OCIAD1: variants seen among roughly 807,000 people sequenced by gnomAD.
The protein encoded by OCIAD1 is OCIA domain containing 1.
In OCIAD1, 29 loss-of-function variants were observed where a neutral mutation model predicts 38.9. The observed-to-expected ratio is 0.74, with a 90% CI of 0.55 to 1.02. OCIAD1 has a LOEUF of 1.02. Among genes scored for constraint, OCIAD1 ranks in the 50% least tolerant of loss-of-function variants. OCIAD1 has a pLI of 0.00. For missense variants in OCIAD1, 288 were observed against 289.6 expected (o/e 0.99, Z 0.04); for synonymous variants, 110 against 92.0 (o/e 1.20, Z -1.12).
chr4:48,843,805 ATTG>A (rs1360089468), intron 4 of OCIAD1, among the ~76,000 whole-genome samples: 1 of 152,176 alleles, frequency 6.6e-6, no homozygotes, highest in Non-Finnish European at 1.5e-5. Context: ...AGTGTTTATT[ATTG>A]TTCTGCTTCT....
intron 1 of OCIAD1, among the ~76,000 whole-genome samples, chr4:48,808,640 C>T (rs1777055587): frequency 1.3e-5 from 2 of 152,146 alleles, no homozygotes; most frequent in Admixed American, 1.3e-4. Context: ...AGTGTTCCTC[C>T]CCTCTGAAGA....
intron 1 of OCIAD1, among the ~76,000 whole-genome samples, chr4:48,810,468 C>CAAAA (rs749988114): frequency 4.7e-5 from 2 of 42,302 alleles, no homozygotes; most frequent in Non-Finnish European, 9.6e-5. Context: ...GACTCCATCT[C>CAAAA]AAAAAAAAAA....
intron 1 of OCIAD1, among the ~76,000 whole-genome samples, chr4:48,814,682 T>C (rs1249701737): frequency 6.6e-6 from 1 of 152,200 alleles, no homozygotes; most frequent in East Asian, 1.9e-4. Context: ...GCTATATCAC[T>C]TTTATGCTTA....
upstream of OCIAD1, among the ~76,000 whole-genome samples, chr4:48,829,367 T>G (rs1198652767): frequency 6.6e-6 from 1 of 152,240 alleles, no homozygotes; most frequent in Non-Finnish European, 1.5e-5. Context: ...AATTTTCTTA[T>G]TTTTGTTTTT....
chr4:48,830,094 T>G (rs934327533), upstream of OCIAD1, among the ~76,000 whole-genome samples: 20 of 152,172 alleles, frequency 1.3e-4, no homozygotes, highest in African/African-American at 4.6e-4. Context: ...GGCAAAGACC[T>G]CCAGGCTGTT....
chr4:48,820,340 T>A (rs1777182814), intron 1 of OCIAD1, among the ~76,000 whole-genome samples: 1 of 152,106 alleles, frequency 6.6e-6, no homozygotes, highest in African/African-American at 2.4e-5. Context: ...ATAAATGAGT[T>A]TTTTGAAACC....
intron 1 of OCIAD1, among the ~76,000 whole-genome samples, chr4:48,812,645 T>A (rs1243400677): frequency 6.6e-6 from 1 of 152,120 alleles, no homozygotes; most frequent in Non-Finnish European, 1.5e-5. Flanking sequence ...ACAAAGGTCA[T>A]GGAGACTTTG....
At chr4:48,842,509 CT>C in intron 3 of OCIAD1, 126 bp from the exon 4 acceptor site, 1 of 645,700 alleles carries the variant, frequency 1.5e-6, no homozygotes, top group Non-Finnish European at 2.7e-6. Flanking sequence ...ATGGAACAGT[CT>C]TTTTTAAAGG....
Position 48,857,315 on chromosome 4 carries a change from A to G in OCIAD1, c.650A>G (p.Lys217Arg). ...TCATATGAAGTATCTTTAACACAAA[A>G]GACTGACCCCTCAGTCAGGCCTATG... ...RESYEVSLTQ[K>R]TDPSVRPMHE... Residue 217 changes from lysine (K) to arginine (R), a missense_variant, in exon 8 of 9, where the codon AAG (lysine) becomes AGG (arginine). Coordinates refer to ENST00000264312, the MANE Select transcript of OCIAD1 (RefSeq NM_017830.4). 1 of 1,599,494 alleles carries G rather than the reference A, an allele frequency of 6.3e-7. No homozygotes were observed. Among genetic ancestry groups the G allele is most frequent in the Non-Finnish European group, 8.5e-7 (1 of 1,172,898 alleles).
intron 3 of OCIAD1, among the ~76,000 whole-genome samples, chr4:48,835,368 C>T (rs1032079515): frequency 1.4e-4 from 22 of 152,198 alleles, no homozygotes; most frequent in Admixed American, 1.3e-3. Context: ...ATTTGAATAA[C>T]TTTTGAGATT....
upstream of OCIAD1, among the ~76,000 whole-genome samples, chr4:48,830,413 A>G (rs1297198578): frequency 2.0e-5 from 3 of 152,238 alleles, no homozygotes; most frequent in East Asian, 1.9e-4. Context: ...AGTACATGGC[A>G]CTAATAAATA....
chr4:48,833,418 A>G lies in OCIAD1; in HGVS notation c.76A>G (p.Ile26Val), dbSNP rs766110527. The G allele has an allele frequency of 1.7e-5, 28 of 1,601,484 alleles. No homozygotes were observed. In the South Asian group the frequency reaches 3.0e-4, roughly 17 times the overall value. ...RPIPHIGPDY[I>V]PTEEERRVFA... ...GTAAAAAGACATAGGGCCTGATTAC[A>G]TTCCAACAGAGGAAGAAAGGAGAGT... Residue 26 changes from isoleucine to valine, a missense_variant, in exon 3 of 9, where the codon ATT (isoleucine) becomes GTT (valine). By Grantham distance (29) the Ile-to-Val change is conservative. Transcript: ENST00000264312.
chr4:48,808,377 G>A (rs555180405), intron 1 of OCIAD1, among the ~76,000 whole-genome samples: 121 of 152,228 alleles, frequency 7.9e-4, no homozygotes, highest in African/African-American at 2.8e-3. Flanking sequence ...AGCTGAGGTG[G>A]TTCAACTACC....
intron 1 of OCIAD1, among the ~76,000 whole-genome samples, chr4:48,820,317 A>C (rs1442522974): frequency 1.3e-5 from 2 of 152,202 alleles, no homozygotes; most frequent in Non-Finnish European, 1.5e-5. Flanking sequence ...TAAATAACAA[A>C]ATTAAGGCAG....
intron 1 of OCIAD1, among the ~76,000 whole-genome samples, chr4:48,825,564 A>G (rs1026498557): frequency 2.0e-5 from 3 of 152,132 alleles, no homozygotes; most frequent in Non-Finnish European, 4.4e-5. Flanking sequence ...GTTTTCCTCT[A>G]AATCACCTCA....
chr4:48,828,836 C>T (rs1777279616), upstream of OCIAD1, among the ~76,000 whole-genome samples: 1 of 152,224 alleles, frequency 6.6e-6, no homozygotes, highest in Admixed American at 6.5e-5. Context: ...CAGCTTCATT[C>T]TTGAAGTCAG....
At chr4:48,841,918 A>G (rs1314356517) in intron 3 of OCIAD1, among the ~76,000 whole-genome samples, 1 of 152,222 alleles carries the variant, frequency 6.6e-6, no homozygotes, top group Non-Finnish European at 1.5e-5. Flanking sequence ...AAGAAAGAAC[A>G]TAAGTGTTTA....
chr4:48,823,626 T>C (rs1777219575), intron 1 of OCIAD1, among the ~76,000 whole-genome samples: 1 of 152,106 alleles, frequency 6.6e-6, no homozygotes, highest in Admixed American at 6.6e-5. Flanking sequence ...TTTCCTTTTT[T>C]AAATGATGAT....
In OCIAD1 at chr4:48,836,515, T is replaced by A. The variant is rs186404590; in HGVS notation, c.139+3034T>A. ...TAGAAACAAAAGCATACATGAAAAATTAGTTTATTGTGGAGTTGTGTTGGT... is the reference window on the plus strand; with the variant it reads ...TAGAAACAAAAGCATACATGAAAAAATAGTTTATTGTGGAGTTGTGTTGGT... On this transcript the variant is annotated intron_variant, in intron 3 of 8. Transcript: ENST00000264312. Among the ~76,000 whole-genome samples, 223 of 152,326 alleles carry A rather than the reference T, an allele frequency of 1.5e-3. 1 individual carries two copies. Among genetic ancestry groups the A allele is most frequent in the African/African-American group, 4.8e-3 (199 of 41,578 alleles).
Sources: allele counts gnomAD v4.1 joint callset (sites outside exome capture counted in the v4.1 genomes callset), GRCh38; gene constraint gnomAD v4.1.1; transcripts MANE v1.5; gene names NCBI Gene and HGNC (gene_info 2026-07-23, HGNC 2026-07-21).